The following LRRD1 variants were observed in gnomAD, a reference collection of about 807,000 sequenced individuals.
The protein encoded by LRRD1 is leucine rich repeats and death domain containing 1, also known as leucine-rich repeat and death domain-containing protein 1.
In LRRD1, 49 loss-of-function variants were observed where a neutral mutation model predicts 69.5. The ratio of observed to expected loss-of-function variants is 0.70; its 90% confidence interval spans 0.56 to 0.89. The LOEUF is 0.89. Ranked by LOEUF, LRRD1 falls within the 40% of genes least tolerant of loss-of-function variation. LRRD1 has a pLI of 0.00. For synonymous variants in LRRD1, 303 were observed against 338.9 expected, an observed-to-expected ratio of 0.89 and a Z score of 1.16; for missense variants, 853 against 956.0, an observed-to-expected ratio of 0.89 and a Z score of 1.42.
chr7:92,178,068 C>T (rs1003596217), intron 1 of LRRD1, among the ~76,000 whole-genome samples: 2 of 152,154 alleles, frequency 1.3e-5, no homozygotes, highest in African/African-American at 2.4e-5. Context: ...TGTATATGCA[C>T]CTTGAGAGGC....
At chr7:92,146,924 TAAA>T (rs368643858) in intron 4 of LRRD1, among the ~76,000 whole-genome samples, 1 of 119,538 alleles carries the variant, frequency 8.4e-6, no homozygotes, top group Non-Finnish European at 1.8e-5. Flanking sequence ...CTCCGTCTCA[TAAA>T]AAAAAAAAAA....
chr7:92,148,616 C>T (rs1820390416), intron 4 of LRRD1, among the ~76,000 whole-genome samples: 1 of 152,098 alleles, frequency 6.6e-6, no homozygotes. Flanking sequence ...ATGAAGGCTC[C>T]TTGGGTGTAG....
At chr7:92,155,290 G>A (rs894422809) in intron 3 of LRRD1, among the ~76,000 whole-genome samples, 2 of 152,210 alleles carry the variant, frequency 1.3e-5, no homozygotes, top group Admixed American at 6.5e-5. Context: ...GCTACTAAGT[G>A]ACTGACAGGC....
Position 92,164,975 on chromosome 7 carries a change from C to T in LRRD1, c.228G>A (p.Lys76=). The T allele has an allele frequency of 1.3e-5, 20 of 1,551,350 alleles. No homozygotes were observed. The highest frequency in any genetic ancestry group is 1.7e-5 in the Non-Finnish European group (20 of 1,146,880). The change falls in exon 2 of 6, where the codon AAG becomes AAA. Residue 76 remains lysine, a synonymous_variant. Coordinates refer to ENST00000458448, the MANE Select transcript of LRRD1 (RefSeq NM_001161528.2). ...ESTSSSGRKS[K]RNEEQKKNLQ... ...GATTTTTCTTTTGTTCTTCATTTCT[C>T]TTAGACTTCCTTCCAGAGGAAGATG...
Position 92,165,259 on chromosome 7 carries a change from A to G in LRRD1, c.-57T>C. ...AAATTGTAACTTGATTTTAATTTTC[A>G]TGTTTTTTCCTTTGAATCTACAAAA... On this transcript the variant is annotated 5_prime_UTR_variant, in exon 2 of 6. The change abolishes an upstream ATG in the 5' untranslated region. Coordinates refer to ENST00000458448, the MANE Select transcript of LRRD1 (RefSeq NM_001161528.2). 1.9e-6 allele frequency: 2 copies of G among 1,079,058 alleles called. No homozygotes were observed. The highest frequency in any genetic ancestry group is 5.9e-5 in the South Asian group (2 of 33,614). The allele number at this position is 1,079,058 out of a possible 1,614,324, so 66.8% of individuals were successfully genotyped here.
chr7:92,166,706 A>G (rs931829730), intron 1 of LRRD1, among the ~76,000 whole-genome samples: 3 of 152,222 alleles, frequency 2.0e-5, no homozygotes, highest in African/African-American at 4.8e-5. Context: ...ATTGCAATAG[A>G]TGTAGAAGTA....
chr7:92,175,278 C>A (rs998515122), intron 1 of LRRD1, among the ~76,000 whole-genome samples: 1 of 152,002 alleles, frequency 6.6e-6, no homozygotes, highest in Admixed American at 6.6e-5. Context: ...TTAAGAAATT[C>A]TTCTACATTT....
At chr7:92,148,771 G>A (rs747100332) in intron 4 of LRRD1, among the ~76,000 whole-genome samples, 6 of 151,950 alleles carry the variant, frequency 3.9e-5, no homozygotes, top group Admixed American at 2.0e-4. Context: ...TTTTTTAGAC[G>A]GAGTCTCGCA....
chr7:92,170,258 A>G (rs1283588336), intron 1 of LRRD1, among the ~76,000 whole-genome samples: 1 of 152,158 alleles, frequency 6.6e-6, no homozygotes, highest in Non-Finnish European at 1.5e-5. Flanking sequence ...AATTACCTCA[A>G]AGTACCAGAT....
In LRRD1 at chr7:92,156,142, T is replaced by A. The variant is rs1011615703; in HGVS notation, c.2116+2863A>T. Among the ~76,000 whole-genome samples, 33 of 152,236 alleles carry A rather than the reference T, an allele frequency of 2.2e-4. 1 individual carries two copies. Among genetic ancestry groups the A allele is most frequent in the Non-Finnish European group, 4.7e-4 (32 of 68,040 alleles). ...CATAATTGTGGATCTATTTCTAGAC[T>A]CTCTATTCTGTCCCATTGATCCTTA... On this transcript the variant is annotated intron_variant, in intron 3 of 5. Transcript: ENST00000458448.
At chr7:92,176,439 T>G (rs989770101) in intron 1 of LRRD1, among the ~76,000 whole-genome samples, 2 of 152,156 alleles carry the variant, frequency 1.3e-5, no homozygotes, top group African/African-American at 4.8e-5. Flanking sequence ...ATGACTTACT[T>G]ATTTTAGTGT....
chr7:92,167,802 G>A (rs527314668), intron 1 of LRRD1, among the ~76,000 whole-genome samples: 2 of 139,296 alleles, frequency 1.4e-5, no homozygotes, highest in East Asian at 2.2e-4. Flanking sequence ...GCATGAACCC[G>A]GGAGGCGGAG....
intron 4 of LRRD1, among the ~76,000 whole-genome samples, chr7:92,146,445 C>T (rs1400485486): frequency 4.0e-5 from 6 of 151,136 alleles, no homozygotes; most frequent in African/African-American, 1.5e-4. Context: ...TGCAAAACCC[C>T]ATCTCTAATA....
intron 1 of LRRD1, among the ~76,000 whole-genome samples, chr7:92,172,486 T>C (rs1789078009): frequency 2.0e-5 from 3 of 151,978 alleles, no homozygotes; most frequent in Admixed American, 2.0e-4. Context: ...ATACATTCGG[T>C]AAAGTTTCAA....
downstream of LRRD1, among the ~76,000 whole-genome samples, chr7:92,143,517 G>T (rs1251663385): frequency 5.3e-5 from 8 of 152,188 alleles, no homozygotes; most frequent in African/African-American, 1.4e-4. Flanking sequence ...CTGCCCCGCG[G>T]GAAGGCAGCT....
At chr7:92,149,015 G>A (rs1359324193) in intron 4 of LRRD1, among the ~76,000 whole-genome samples, 3 of 150,674 alleles carry the variant, frequency 2.0e-5, no homozygotes, top group Non-Finnish European at 2.9e-5. Context: ...CCAAAGTGCC[G>A]GGATTACAGG....
intron 3 of LRRD1, among the ~76,000 whole-genome samples, chr7:92,152,016 AT>A (rs1427789684): frequency 6.7e-6 from 1 of 149,964 alleles, no homozygotes; most frequent in Non-Finnish European, 1.5e-5. Flanking sequence ...GAGGCCTAAA[AT>A]TTGCCTTTAT....
In LRRD1 at chr7:92,164,787, A is replaced by G. The variant is rs1223043120; in HGVS notation, c.416T>C (p.Leu139Pro). The G allele has an allele frequency of 2.6e-6, 4 of 1,551,540 alleles. No homozygotes were observed. Among genetic ancestry groups the G allele is most frequent in the East Asian group, 2.4e-5 (1 of 40,878 alleles). Reference sequence around the variant, plus strand: ...GTTAACTGTAAAGTTATCTGCCCCTAGGCCAAGTTGTTTCTGATTTTCTTC... The same window carrying G: ...GTTAACTGTAAAGTTATCTGCCCCTGGGCCAAGTTGTTTCTGATTTTCTTC... ...VSEENQKQLG[L>P]GADNFTVNLE... The change falls in exon 2 of 6, where the codon CTA (leucine) becomes CCA (proline). Residue 139 changes from leucine to proline, a missense_variant. Physicochemically the swap from Leu to Pro is moderately conservative, Grantham distance 98. Transcript: ENST00000458448.
intron 2 of LRRD1, among the ~76,000 whole-genome samples, chr7:92,162,534 C>T (rs1788812580): frequency 6.6e-6 from 1 of 152,034 alleles, no homozygotes; most frequent in South Asian, 2.1e-4. Flanking sequence ...AAAACTTACT[C>T]CTAGAGTTTC....
Sources: gnomAD v4.1 joint callset for allele counts (sites outside exome capture counted in the v4.1 genomes callset) on GRCh38, gnomAD v4.1.1 for gene constraint, MANE v1.5 for transcripts, NCBI Gene and HGNC (gene_info 2026-07-23, HGNC 2026-07-21) for gene names.